CFAP57: variants seen among roughly 807,000 people sequenced by gnomAD.
The protein encoded by CFAP57 is cilia- and flagella-associated protein 57.
In CFAP57, 116 loss-of-function variants were observed where a neutral mutation model predicts 146.8. The observed-to-expected ratio is 0.79, with a 90% CI of 0.68 to 0.92. The LOEUF (loss-of-function observed/expected upper bound fraction) is 0.92, where lower values mean the gene tolerates loss of function less well. CFAP57 is among the 40% of genes least tolerant of loss of function. The pLI is 0.00. For synonymous variants in CFAP57, 518 were observed against 552.8 expected (o/e 0.94, Z 0.88); for missense variants, 1,377 against 1,527.2 (o/e 0.90, Z 1.64).
At chr1:43,240,813 C>G (rs1645884364) in intron 21 of CFAP57, among the ~76,000 whole-genome samples, 1 of 152,162 alleles carries the variant, frequency 6.6e-6, no homozygotes, top group Non-Finnish European at 1.5e-5. Context: ...AAAAGAGGAG[C>G]AGGCGTGTCA....
chr1:43,219,235 T>C (rs1644953611), intron 12 of CFAP57, 147 bp from the exon 13 acceptor site: 2 of 855,836 alleles, frequency 2.3e-6, no homozygotes, highest in South Asian at 4.0e-5. Flanking sequence ...TGATGTGCCT[T>C]CTGGGGAAAA....
rs140557499 is a variant in CFAP57 at position 43,185,164 on chromosome 1, A to G, written c.777A>G (p.Pro259=). ...TTGTTTCCAGCCTGATTGAATTTCCACCAGTCAGTTCTCCACTCCCTTCCT... is the reference window on the plus strand; with the variant it reads ...TTGTTTCCAGCCTGATTGAATTTCCGCCAGTCAGTTCTCCACTCCCTTCCT... ...IQESESLIEF[P]PVSSPLPSYE... The change falls in exon 5 of 23, where the codon CCA becomes CCG. Residue 259 remains proline (P), a synonymous_variant. Transcript: ENST00000372492. 145 of 1,613,790 alleles carry G rather than the reference A, an allele frequency of 9.0e-5. No individual in the cohort carries two copies. In the African/African-American group the frequency reaches 9.9e-4, roughly 11 times the overall value.
chr1:43,245,142 CT>C (rs981574308), intron 22 of CFAP57, among the ~76,000 whole-genome samples: 4 of 152,000 alleles, frequency 2.6e-5, no homozygotes, highest in African/African-American at 9.7e-5. Context: ...AACCACATCT[CT>C]ACAAAAAATA....
intron 22 of CFAP57, among the ~76,000 whole-genome samples, chr1:43,249,656 A>G (rs1646265063): frequency 7.3e-6 from 1 of 137,322 alleles, no homozygotes; most frequent in Non-Finnish European, 1.5e-5. Flanking sequence ...GTTTGCCCAG[A>G]CTGGTCTCGA....
At chr1:43,231,625 G>A (rs886280019) in intron 18 of CFAP57, among the ~76,000 whole-genome samples, 1 of 151,494 alleles carries the variant, frequency 6.6e-6, no homozygotes, top group Non-Finnish European at 1.5e-5. Context: ...AAGGCGAGGT[G>A]GGCAGATCAC....
Position 43,254,221 on chromosome 1 carries a change from G to A in CFAP57, c.*30G>A, listed in dbSNP as rs1401916379. The stretch of plus-strand genomic sequence containing the variant: ...CTCTGGTGAGCCATCTCCAGCCACA[G>A]CCAGAAGAAACACAGCATGTCTGTC... On this transcript the variant is annotated 3_prime_UTR_variant, in exon 23 of 23. Transcript: ENST00000372492. The A allele has an allele frequency of 3.9e-6, 6 of 1,526,538 alleles. No individual in the cohort carries two copies. Among genetic ancestry groups the A allele is most frequent in the African/African-American group, 1.4e-5 (1 of 72,400 alleles). 94.6% of individuals were successfully genotyped at this position (1,526,538 alleles called of 1,614,324 possible). A position where few individuals can be genotyped will look rare whatever the true frequency, so the allele number is the denominator to read the frequency against.
chr1:43,208,352 TA>T (rs1263293260), intron 10 of CFAP57, among the ~76,000 whole-genome samples: 4 of 152,166 alleles, frequency 2.6e-5, no homozygotes, highest in Non-Finnish European at 4.4e-5. Context: ...CATGCACACG[TA>T]TGTTTATTGT....
At chr1:43,218,466 G>A (rs1297788293) in intron 12 of CFAP57, among the ~76,000 whole-genome samples, 1 of 152,030 alleles carries the variant, frequency 6.6e-6, no homozygotes, top group Non-Finnish European at 1.5e-5. Context: ...AAATTAGCCA[G>A]GTGTGGTGGG....
Position 43,185,244 on chromosome 1 carries a change from T to TGCCCCA in CFAP57, c.857_858insGCCCCA (p.Phe286delinsLeuProHis). On this transcript the variant is annotated protein_altering_variant, in exon 5 of 23. Coordinates refer to ENST00000372492, the MANE Select transcript of CFAP57 (RefSeq NM_001378189.1). ...AGCCAGATGTCCATGCCCCAGGTGT[T>TGCCCCA]TGCCATTGCAGCCTATTCAAAGGGA... 1.2e-6 allele frequency: 2 copies of TGCCCCA among 1,614,218 alleles called. No individual in the cohort carries two copies. The highest frequency in any genetic ancestry group is 1.7e-6 in the Non-Finnish European group (2 of 1,180,038).
chr1:43,254,358 A>G lies in CFAP57; in HGVS notation c.*167A>G, dbSNP rs1362929746. On this transcript the variant is annotated 3_prime_UTR_variant, in exon 23 of 23. Transcript: ENST00000372492. ...ACACAGAATAAAGGTGTTTGCCCAC[A>G]CCTTGTCTAACTTCTGCTTAGCTGG... The G allele has an allele frequency of 1.7e-6, 1 of 605,408 alleles. No individual in the cohort carries two copies. The highest frequency in any genetic ancestry group is 1.8e-5 in the African/African-American group (1 of 54,278). The allele number at this position is 605,408 out of a possible 1,614,324, so 37.5% of individuals were successfully genotyped here.
intron 2 of CFAP57, 141 bp from the exon 3 acceptor site, chr1:43,181,393 C>T (rs1645400905): frequency 9.9e-7 from 1 of 1,008,220 alleles, no homozygotes; most frequent in Non-Finnish European, 1.5e-6. Context: ...TCATAATACC[C>T]AAACACAGCT....
chr1:43,183,931 TG>T, intron 4 of CFAP57, 54 bp downstream of exon 4: 1 of 1,608,368 alleles, frequency 6.2e-7, no homozygotes, highest in Admixed American at 1.7e-5. Flanking sequence ...GACAGCATTA[TG>T]CAGAAGACAG....
At chr1:43,227,634 A>G (rs1389015272) in intron 18 of CFAP57, among the ~76,000 whole-genome samples, 2 of 152,300 alleles carry the variant, frequency 1.3e-5, no homozygotes, top group Non-Finnish European at 1.5e-5. Flanking sequence ...AGCAAACAGG[A>G]TGAAGGTAGA....
At chr1:43,178,815 G>T (rs1645269881) in intron 2 of CFAP57, among the ~76,000 whole-genome samples, 1 of 152,160 alleles carries the variant, frequency 6.6e-6, no homozygotes, top group South Asian at 2.1e-4. Context: ...AAATCATGCT[G>T]CTATAAAGAC....
intron 6 of CFAP57, chr1:43,196,566 G>GAA (rs34698591): frequency 9.2e-4 from 139 of 151,138 alleles, no homozygotes; most frequent in African/African-American, 2.8e-3. Flanking sequence ...GGCAGAATTT[G>GAA]AAAAAAAAAA....
intron 12 of CFAP57, among the ~76,000 whole-genome samples, chr1:43,216,456 C>T (rs1181958777): frequency 6.6e-6 from 1 of 152,132 alleles, no homozygotes; most frequent in Non-Finnish European, 1.5e-5. Context: ...ATTTCCTTTT[C>T]TCTGTTATCT....
chr1:43,249,956 A>T (rs1184268473), intron 22 of CFAP57, among the ~76,000 whole-genome samples: 1 of 152,234 alleles, frequency 6.6e-6, no homozygotes, highest in African/African-American at 2.4e-5. Flanking sequence ...AAACCTCAAA[A>T]TATCTAGCAG....
intron 22 of CFAP57, among the ~76,000 whole-genome samples, chr1:43,251,817 T>C (rs981812150): frequency 6.6e-5 from 10 of 152,234 alleles, no homozygotes; most frequent in African/African-American, 2.2e-4. Context: ...AGCTAAATCC[T>C]CGTCTTTCAT....
chr1:43,216,279 T>TGAGGGATAGAAA (rs1644830139), intron 12 of CFAP57, among the ~76,000 whole-genome samples: 5 of 152,042 alleles, frequency 3.3e-5, no homozygotes, highest in Admixed American at 3.3e-4. Context: ...AGTAAAGCCA[T>TGAGGGATAGAAA]CAGAGCAGCA....
Sources: gnomAD v4.1 joint callset for allele counts (sites outside exome capture counted in the v4.1 genomes callset) on GRCh38, gnomAD v4.1.1 for gene constraint, MANE v1.5 for transcripts, NCBI Gene and HGNC (gene_info 2026-07-23, HGNC 2026-07-21) for gene names.